MALRD1: variants seen among roughly 807,000 people sequenced by gnomAD.
The protein encoded by MALRD1 is MAM and LDL-receptor class A domain-containing protein 1.
A neutral mutation model predicts 242.1 loss-of-function variants in MALRD1; 247 were observed. That is an observed-to-expected ratio of 1.02 (90% CI 0.92 to 1.13). The LOEUF (loss-of-function observed/expected upper bound fraction) is 1.13. MALRD1 is among the 50% of genes most tolerant of loss of function. The pLI is 0.00. For synonymous variants in MALRD1, 995 were observed against 866.6 expected (o/e 1.15, Z -2.60); for missense variants, 2,989 against 2,533.1 (o/e 1.18, Z -3.86).
chr10:19,210,590 A>G (rs528534625), intron 18 of MALRD1, among the ~76,000 whole-genome samples: 3 of 152,324 alleles, frequency 2.0e-5, no homozygotes, highest in African/African-American at 4.8e-5. Flanking sequence ...CTTTTTTTGC[A>G]TGTACTCAAC....
At chr10:19,347,339 G>A (rs560043713) in intron 24 of MALRD1, among the ~76,000 whole-genome samples, 32 of 152,170 alleles carry the variant, frequency 2.1e-4, no homozygotes, top group African/African-American at 7.0e-4. Context: ...ATAAAGAACT[G>A]TTCTAAAAAA....
chr10:19,284,326 G>A lies in MALRD1; in HGVS notation c.3419+1145G>A, dbSNP rs530856336. Among the ~76,000 whole-genome samples the A allele has an allele frequency of 5.4e-5, 8 of 148,806 alleles. No homozygotes were observed. The South Asian group carries it at 1.3e-3, about 24-fold the overall frequency. ...GCAGGTTCGTTACATATGTATACAT[G>A]TGCCACGCTGGTGCGCTGCACCCAC... is the stretch of plus-strand genomic sequence containing the variant. On this transcript the variant is annotated intron_variant, in intron 21 of 39. Coordinates refer to ENST00000454679, the MANE Select transcript of MALRD1 (RefSeq NM_001142308.3).
intron 1 of MALRD1, among the ~76,000 whole-genome samples, chr10:19,062,746 G>C (rs978585124): frequency 6.6e-6 from 1 of 152,162 alleles, no homozygotes; most frequent in Non-Finnish European, 1.5e-5. Flanking sequence ...GAAATGGAAA[G>C]GTGGTGTTTA....
At chr10:19,304,351 C>G (rs1363110448) in intron 21 of MALRD1, among the ~76,000 whole-genome samples, 1 of 151,670 alleles carries the variant, frequency 6.6e-6, no homozygotes, top group Non-Finnish European at 1.5e-5. Context: ...CTCTCTCTCT[C>G]TCTGCCTCTC....
chr10:19,050,030 T>A (rs1834437411), intron 1 of MALRD1, among the ~76,000 whole-genome samples: 1 of 151,736 alleles, frequency 6.6e-6, no homozygotes, highest in Non-Finnish European at 1.5e-5. Context: ...CGGTTAATTA[T>A]CCAGAGGCAC....
chr10:19,127,482 A>C (rs916765058), intron 7 of MALRD1, among the ~76,000 whole-genome samples: 2 of 152,158 alleles, frequency 1.3e-5, no homozygotes, highest in Admixed American at 1.3e-4. Flanking sequence ...GGGTTTCCTT[A>C]GAGACTTCTT....
At chr10:19,220,067 G>T (rs1392141407) in intron 18 of MALRD1, among the ~76,000 whole-genome samples, 1 of 152,122 alleles carries the variant, frequency 6.6e-6, no homozygotes, top group African/African-American at 2.4e-5. Context: ...TAATTTGGTT[G>T]TAACTAATGT....
Position 19,387,621 on chromosome 10 carries a change from C to T in MALRD1, c.4535C>T (p.Thr1512Ile), listed in dbSNP as rs1589004249. 1.3e-6 allele frequency: 2 copies of T among 1,550,358 alleles called. No homozygotes were observed. Among genetic ancestry groups the T allele is most frequent in the African/African-American group, 1.4e-5 (1 of 73,124 alleles). The part of the protein sequence containing the change: ...CNFVDNCGDN[T>I]DENECGSSCT... ...TTCGTAGATAACTGTGGAGATAATA[C>T]TGATGAAAATGAGTGTGGTAGCTCC... The change falls in exon 27 of 40, where the codon ACT (threonine) becomes ATT (isoleucine). Residue 1512 changes from threonine to isoleucine, a missense_variant. Thr to Ile is a moderately conservative substitution (Grantham distance 89). Coordinates refer to ENST00000454679, the MANE Select transcript of MALRD1 (RefSeq NM_001142308.3).
chr10:19,608,799 C>A (rs1049909986), intron 35 of MALRD1, among the ~76,000 whole-genome samples: 13 of 152,022 alleles, frequency 8.6e-5, no homozygotes, highest in Admixed American at 3.3e-4. Flanking sequence ...CAGACCACTG[C>A]ATTTTATGAG....
intron 32 of MALRD1, among the ~76,000 whole-genome samples, chr10:19,562,253 C>A (rs1475716647): frequency 2.0e-5 from 3 of 151,948 alleles, no homozygotes; most frequent in South Asian, 4.1e-4. Context: ...CAAGATCGCG[C>A]CACTGTACTC....
intron 34 of MALRD1, among the ~76,000 whole-genome samples, chr10:19,605,140 G>A (rs1211473058): frequency 6.8e-6 from 1 of 148,022 alleles, no homozygotes; most frequent in African/African-American, 2.5e-5. Flanking sequence ...TTTGATTACA[G>A]ATTTATTTAT....
At chr10:19,120,277 A>G (rs1837015665) in intron 5 of MALRD1, among the ~76,000 whole-genome samples, 1 of 152,162 alleles carries the variant, frequency 6.6e-6, no homozygotes. Flanking sequence ...TTTATGCAAA[A>G]GCCTGGTGAA....
At chr10:19,085,910 A>G (rs1401432909) in intron 2 of MALRD1, among the ~76,000 whole-genome samples, 1 of 151,960 alleles carries the variant, frequency 6.6e-6, no homozygotes, top group Non-Finnish European at 1.5e-5. Context: ...GAATGCTATT[A>G]CCATTTGTAT....
intron 10 of MALRD1, among the ~76,000 whole-genome samples, chr10:19,140,530 T>G (rs1357879615): frequency 8.1e-6 from 1 of 124,100 alleles, no homozygotes; most frequent in Non-Finnish European, 1.6e-5. Flanking sequence ...AAGTGGGGTG[T>G]GTGTGTGTGT....
chr10:19,733,453 T>G (rs1835372677), intron 39 of MALRD1, among the ~76,000 whole-genome samples: 1 of 152,172 alleles, frequency 6.6e-6, no homozygotes, highest in Non-Finnish European at 1.5e-5. Context: ...AAGAATGTCT[T>G]GAGGCCATCA....
chr10:19,142,182 A>C (rs1461222047), intron 10 of MALRD1, among the ~76,000 whole-genome samples: 1 of 150,382 alleles, frequency 6.6e-6, no homozygotes, highest in African/African-American at 2.4e-5. Context: ...AAAAAAAAAA[A>C]AAAAAAAAAA....
chr10:19,503,324 T>C (rs1374451574), intron 31 of MALRD1, among the ~76,000 whole-genome samples: 1 of 152,240 alleles, frequency 6.6e-6, no homozygotes, highest in East Asian at 1.9e-4. Context: ...GGTCTATTTC[T>C]AAGCATCACA....
intron 38 of MALRD1, among the ~76,000 whole-genome samples, chr10:19,725,908 ATGGACCCCC>A (rs979745324): frequency 8.5e-5 from 13 of 152,202 alleles, no homozygotes; most frequent in Admixed American, 6.5e-5. Context: ...AAGAATGCAG[ATGGACCCCC>A]TACTTCACAC....
chr10:19,176,658 G>C (rs1160579285), intron 14 of MALRD1, among the ~76,000 whole-genome samples: 1 of 151,966 alleles, frequency 6.6e-6, no homozygotes, highest in Admixed American at 6.6e-5. Context: ...ACAGGCGTGA[G>C]CCACCGCGCC....
Sources: gnomAD v4.1 joint callset for allele counts (sites outside exome capture counted in the v4.1 genomes callset) on GRCh38, gnomAD v4.1.1 for gene constraint, MANE v1.5 for transcripts, NCBI Gene and HGNC (gene_info 2026-07-23, HGNC 2026-07-21) for gene names.